ASB3: variants seen among roughly 807,000 people sequenced by gnomAD.
ASB3 encodes ankyrin repeat and SOCS box protein 3.
Under a neutral mutation model 54.5 loss-of-function variants are expected in ASB3, and 41 were observed. The observed-to-expected ratio is 0.75, with a 90% CI of 0.59 to 0.98. ASB3 has a LOEUF of 0.98. Among genes scored for constraint, ASB3 ranks in the 50% least tolerant of loss-of-function variants. ASB3 has a pLI of 0.00. For synonymous variants in ASB3, 266 were observed against 221.2 expected (o/e 1.20, Z -1.80); for missense variants, 733 against 620.0 (o/e 1.18, Z -1.94).
intron 5 of ASB3, among the ~76,000 whole-genome samples, chr2:53,726,751 C>T (rs967897733): frequency 6.6e-6 from 1 of 151,508 alleles, no homozygotes; most frequent in African/African-American, 2.4e-5. Flanking sequence ...GACTGGAGTG[C>T]GGTGGTGCGA....
intron 3 of ASB3, among the ~76,000 whole-genome samples, chr2:53,731,710 T>C (rs1671327343): frequency 6.6e-6 from 1 of 152,174 alleles, no homozygotes; most frequent in Non-Finnish European, 1.5e-5. Context: ...TGGAATGCAA[T>C]GGCGTGATCT....
chr2:53,716,660 G>C lies in ASB3; in HGVS notation c.688C>G (p.Leu230Val), dbSNP rs1345622908. Residue 230 changes from leucine (L) to valine (V), a missense_variant, in exon 6 of 10, where the codon CTT (leucine) becomes GTT (valine). Transcript: ENST00000263634. ...AQEGHTKCVE[L>V]LLSSGADPDL... The stretch of plus-strand genomic sequence containing the variant: ...GGATCTGCCCCACTGGAGAGCAAAA[G>C]CTCCACACATTTTGTGTGTCCCTCT... 8 of 1,613,988 alleles carry C rather than the reference G, an allele frequency of 5.0e-6. No individual in the cohort carries two copies. The South Asian group carries it at 7.7e-5, about 16-fold the overall frequency.
At chr2:53,730,860 C>T (rs1345363152) in intron 3 of ASB3, among the ~76,000 whole-genome samples, 1 of 151,904 alleles carries the variant, frequency 6.6e-6, no homozygotes, top group Non-Finnish European at 1.5e-5. Context: ...TAGTAGGAGG[C>T]AGGAAGTGGG....
Position 53,772,121 on chromosome 2 carries a change from G to A in ASB3, c.-13-6536C>T, listed in dbSNP as rs114226147. On this transcript the variant is annotated intron_variant, in intron 1 of 9. Transcript: ENST00000263634. ...AAACTGAGGCCAATAAGAAAAGTTAGAATGCAGAGTGCAAGGTAGACAACA... is the reference window on the plus strand; with the variant it reads ...AAACTGAGGCCAATAAGAAAAGTTAAAATGCAGAGTGCAAGGTAGACAACA... Among the ~76,000 whole-genome samples the A allele has an allele frequency of 6.3e-3, 953 of 152,214 alleles. 9 individuals are homozygous for A. The highest frequency in any genetic ancestry group is 0.022 in the African/African-American group (907 of 41,518).
chr2:53,729,707 G>A, intron 3 of ASB3, 137 bp from the exon 4 acceptor site: 1 of 666,396 alleles, frequency 1.5e-6, no homozygotes, highest in East Asian at 2.8e-5. Flanking sequence ...TATCACAATT[G>A]TCTTAGCCCA....
intron 8 of ASB3, among the ~76,000 whole-genome samples, chr2:53,696,423 G>A (rs1391508424): frequency 6.6e-6 from 1 of 152,024 alleles, no homozygotes; most frequent in Non-Finnish European, 1.5e-5. Context: ...GGAAAGGGGG[G>A]ATAAATTACA....
intron 3 of ASB3, among the ~76,000 whole-genome samples, chr2:53,746,236 A>G (rs1672214929): frequency 6.6e-6 from 1 of 152,126 alleles, no homozygotes; most frequent in African/African-American, 2.4e-5. Context: ...TTGAGGCTGT[A>G]GTGAGCTATG....
chr2:53,736,164 A>G (rs1337572739), intron 3 of ASB3, among the ~76,000 whole-genome samples: 1 of 152,218 alleles, frequency 6.6e-6, no homozygotes, highest in East Asian at 1.9e-4. Flanking sequence ...AATTATTTTT[A>G]AAACATGAGA....
intron 9 of ASB3, among the ~76,000 whole-genome samples, chr2:53,684,926 G>A (rs1030336668): frequency 6.6e-6 from 1 of 152,172 alleles, no homozygotes; most frequent in Non-Finnish European, 1.5e-5. Context: ...AATCAATAAC[G>A]TTAAAAGGAG....
At position 53,693,926 on chromosome 2, in the gene ASB3, A is replaced by T; in HGVS notation, c.1327T>A (p.Ser443Thr). 6.2e-7 allele frequency: 1 copy of T among 1,613,688 alleles called. No homozygotes were observed. Residue 443 changes from serine to threonine, a missense_variant, in exon 9 of 10, where the codon TCT becomes ACT. Transcript: ENST00000263634. ...ATCCAAGCGTTTGAGGCACGAGCAGAGAGCATCCTTTCAACAGCTGGTGCA... is the reference window on the plus strand; with the variant it reads ...ATCCAAGCGTTTGAGGCACGAGCAGTGAGCATCCTTTCAACAGCTGGTGCA... ...TLAPAVERML[S>T]ARASNAWILQ...
At chr2:53,675,910 T>C (rs1010704835) in intron 9 of ASB3, among the ~76,000 whole-genome samples, 2 of 152,210 alleles carry the variant, frequency 1.3e-5, no homozygotes, top group African/African-American at 4.8e-5. Flanking sequence ...TTGCAGGGCA[T>C]GGAGGGGAGT....
intron 9 of ASB3, among the ~76,000 whole-genome samples, chr2:53,676,948 T>G (rs1161550327): frequency 1.3e-5 from 2 of 152,026 alleles, no homozygotes; most frequent in Admixed American, 1.3e-4. Context: ...TTTGTATTTT[T>G]GGTAGAGACA....
At chr2:53,684,634 T>C (rs1426441116) in intron 9 of ASB3, among the ~76,000 whole-genome samples, 1 of 152,228 alleles carries the variant, frequency 6.6e-6, no homozygotes, top group Admixed American at 6.5e-5. Flanking sequence ...AGTCCCACTG[T>C]CTTCTCACCA....
intron 9 of ASB3, among the ~76,000 whole-genome samples, chr2:53,672,205 C>T (rs1030334725): frequency 6.6e-6 from 1 of 152,158 alleles, no homozygotes; most frequent in Non-Finnish European, 1.5e-5. Context: ...CGATTTTGTA[C>T]ATAAAACCTA....
intron 7 of ASB3, among the ~76,000 whole-genome samples, chr2:53,710,840 G>C (rs567378253): frequency 6.6e-6 from 1 of 152,092 alleles, no homozygotes; most frequent in African/African-American, 2.4e-5. Context: ...TCAACATTTT[G>C]GGTTGGCTGG....
At chr2:53,773,017 A>T (rs1674052656) in intron 1 of ASB3, among the ~76,000 whole-genome samples, 1 of 152,192 alleles carries the variant, frequency 6.6e-6, no homozygotes, top group African/African-American at 2.4e-5. Flanking sequence ...ATATTGTGAA[A>T]TTAAATGTTT....
intron 2 of ASB3, among the ~76,000 whole-genome samples, chr2:53,755,333 T>G (rs1338878894): frequency 1.3e-5 from 2 of 152,208 alleles, no homozygotes; most frequent in Non-Finnish European, 2.9e-5. Flanking sequence ...TTTTTACTTA[T>G]GAATAATAAA....
At chr2:53,744,238 G>C (rs1672098640) in intron 3 of ASB3, among the ~76,000 whole-genome samples, 1 of 150,768 alleles carries the variant, frequency 6.6e-6, no homozygotes, top group East Asian at 2.0e-4. Context: ...AAAAAAATTA[G>C]CCAGGCGTGG....
chr2:53,765,673 G>A, intron 1 of ASB3, 88 bp from the exon 2 acceptor site: 1 of 1,484,492 alleles, frequency 6.7e-7, no homozygotes, highest in Non-Finnish European at 9.2e-7. Context: ...GGCCTGTCTA[G>A]TATCTCTCAC....
Sources: allele counts gnomAD v4.1 joint callset (sites outside exome capture counted in the v4.1 genomes callset), GRCh38; gene constraint gnomAD v4.1.1; transcripts MANE v1.5; gene names NCBI Gene and HGNC (gene_info 2026-07-23, HGNC 2026-07-21).